The following MYOF variants were observed in gnomAD, a reference collection of about 807,000 sequenced individuals.
MYOF encodes the protein myoferlin.
Under a neutral mutation model 284.2 loss-of-function variants are expected in MYOF, and 244 were observed. That is an observed-to-expected ratio of 0.86 (90% confidence interval 0.77 to 0.95). The LOEUF (loss-of-function observed/expected upper bound fraction) is 0.95. Among genes scored for constraint, MYOF ranks in the 40% least tolerant of loss-of-function variants. MYOF has a pLI of 0.00. For missense variants in MYOF, 2,496 were observed against 2,560.6 expected (o/e 0.97, Z 0.54); for synonymous variants, 904 against 919.7 (o/e 0.98, Z 0.31).
At chr10:93,336,365 A>C (rs1369566433) in intron 40 of MYOF, among the ~76,000 whole-genome samples, 1 of 152,256 alleles carries the variant, frequency 6.6e-6, no homozygotes, top group Non-Finnish European at 1.5e-5. Context: ...AACTTGTGGC[A>C]TATCCACACA....
intron 48 of MYOF, among the ~76,000 whole-genome samples, chr10:93,320,348 T>A (rs1842798049): frequency 7.1e-6 from 1 of 140,332 alleles, no homozygotes; most frequent in Non-Finnish European, 1.5e-5. Flanking sequence ...ATGACTTTAG[T>A]CCTCACAACT....
chr10:93,351,565 C>G lies in MYOF; in HGVS notation c.3670G>C (p.Asp1224His). 1.9e-6 allele frequency: 3 copies of G among 1,614,118 alleles called. No homozygotes were observed. In the South Asian group the frequency reaches 3.3e-5, roughly 18 times the overall value. ...ELFDNDQVGK[D>H]EFLGRSIFSP... is the part of the protein sequence containing the mutation. ...AAAATGCTTCGTCCTAAAAATTCAT[C>G]TTTGCCCTAGAGAAACAAAGTGATC... is the stretch of plus-strand genomic sequence containing the variant. The change falls in exon 34 of 54, where the codon GAT becomes CAT. Residue 1224 changes from aspartate to histidine, a missense_variant. Asp to His is a moderately conservative substitution (Grantham distance 81). Transcript: ENST00000359263.
At chr10:93,443,616 T>C (rs1350156892) in intron 3 of MYOF, among the ~76,000 whole-genome samples, 1 of 152,128 alleles carries the variant, frequency 6.6e-6, no homozygotes, top group Admixed American at 6.6e-5. Flanking sequence ...GGATCCCTTT[T>C]CTTGCATTGC....
chr10:93,476,560 G>GA (rs1043018400), intron 1 of MYOF, among the ~76,000 whole-genome samples: 77 of 148,244 alleles, frequency 5.2e-4, no homozygotes, highest in African/African-American at 1.3e-3. Context: ...GTCCCCCACT[G>GA]AAAAAAAAAA....
intron 24 of MYOF, among the ~76,000 whole-genome samples, chr10:93,371,319 A>C (rs1845577939): frequency 6.6e-6 from 1 of 152,212 alleles, no homozygotes; most frequent in Non-Finnish European, 1.5e-5. Flanking sequence ...ATGAATATTC[A>C]TAATTATCTG....
Position 93,312,163 on chromosome 10 carries a change from C to A in MYOF, c.5889+857G>T, listed in dbSNP as rs149966439. Among the ~76,000 whole-genome samples the A allele has an allele frequency of 3.0e-3, 457 of 152,230 alleles. 3 individuals carry two copies. Among genetic ancestry groups the A allele is most frequent in the African/African-American group, 0.01 (429 of 41,544 alleles). On this transcript the variant is annotated intron_variant, in intron 51 of 53. Coordinates refer to ENST00000359263, the MANE Select transcript of MYOF (RefSeq NM_013451.4). ...TGCTGCCTGGTTCAAAATTAATGAT[C>A]AAAAATGTTAGCTATTTTTAATAAT...
Position 93,313,057 on chromosome 10 carries a change from G to A in MYOF, c.5852C>T (p.Pro1951Leu), listed in dbSNP as rs772978810. Residue 1951 changes from proline to leucine, a missense_variant, in exon 51 of 54, where the codon CCA becomes CTA. This residue lies in a region of MYOF where 2,436 missense variants were observed against 2,480.7 expected (regional missense o/e 0.98). Coordinates refer to ENST00000359263, the MANE Select transcript of MYOF (RefSeq NM_013451.4). Reference sequence around the variant, plus strand: ...GGCGCCATCTTTCTCTGCGTAGCATGGCCACCATCCTTTCATGGACTTCTG... The same window carrying A: ...GGCGCCATCTTTCTCTGCGTAGCATAGCCACCATCCTTTCATGGACTTCTG... ...FEQKSMKGWWPCYAEKDGARV... is the reference protein window; with the variant it reads ...FEQKSMKGWWLCYAEKDGARV... 1.2e-6 allele frequency: 2 copies of A among 1,613,632 alleles called. No individual in the cohort carries two copies. Among genetic ancestry groups the A allele is most frequent in the Non-Finnish European group, 8.5e-7 (1 of 1,179,828 alleles).
chr10:93,480,099 A>G (rs1025074803), intron 1 of MYOF, among the ~76,000 whole-genome samples: 6 of 152,230 alleles, frequency 3.9e-5, no homozygotes, highest in East Asian at 1.9e-4. Flanking sequence ...TTATATGTCA[A>G]TGATGAAGGA....
intron 43 of MYOF, among the ~76,000 whole-genome samples, chr10:93,331,520 G>A (rs1397032238): frequency 6.6e-6 from 1 of 152,158 alleles, no homozygotes; most frequent in Non-Finnish European, 1.5e-5. Flanking sequence ...CTTCAAAGCT[G>A]GCTTTCCCTG....
intron 21 of MYOF, 22 bp from the exon 22 acceptor site, chr10:93,377,451 GAAAT>G (rs1326578450): frequency 1.3e-6 from 2 of 1,510,852 alleles, no homozygotes; most frequent in Non-Finnish European, 1.8e-6. Context: ...GAAAAGAGAG[GAAAT>G]AATTGATAAT....
At chr10:93,409,880 G>C (rs1847827502) in intron 5 of MYOF, 141 bp from the exon 6 acceptor site, 1 of 1,021,336 alleles carries the variant, frequency 9.8e-7, no homozygotes, top group South Asian at 1.5e-5. Context: ...TCCTCTTGGT[G>C]ACACTGACTT....
At chr10:93,376,740 A>G (rs1845854427) in intron 22 of MYOF, among the ~76,000 whole-genome samples, 1 of 152,182 alleles carries the variant, frequency 6.6e-6, no homozygotes, top group South Asian at 2.1e-4. Flanking sequence ...TTTGATTTCC[A>G]TATGCTAAAA....
intron 27 of MYOF, among the ~76,000 whole-genome samples, chr10:93,363,386 C>T (rs553004010): frequency 6.6e-6 from 1 of 152,314 alleles, no homozygotes; most frequent in East Asian, 1.9e-4. Flanking sequence ...AAAAACTAGG[C>T]TGAGCTTGGT....
intron 23 of MYOF, among the ~76,000 whole-genome samples, 183 bp from the exon 24 acceptor site, chr10:93,373,268 G>C (rs904061470): frequency 5.9e-5 from 9 of 152,166 alleles, no homozygotes; most frequent in African/African-American, 2.2e-4. Context: ...TTGCAGGGCT[G>C]GGAGGCAGAC....
chr10:93,346,726 T>C (rs945664129), intron 37 of MYOF, among the ~76,000 whole-genome samples: 8 of 152,176 alleles, frequency 5.3e-5, no homozygotes, highest in African/African-American at 1.9e-4. Flanking sequence ...GAGCTTCCTG[T>C]TTTCCCCATC....
chr10:93,414,153 G>T (rs1040585744), intron 5 of MYOF, among the ~76,000 whole-genome samples: 2 of 151,868 alleles, frequency 1.3e-5, no homozygotes, highest in Non-Finnish European at 2.9e-5. Context: ...CGGCAATCCT[G>T]AGCATGCCCT....
intron 7 of MYOF, among the ~76,000 whole-genome samples, chr10:93,408,277 C>T (rs1177384642): frequency 1.3e-5 from 2 of 152,060 alleles, no homozygotes; most frequent in Non-Finnish European, 2.9e-5. Flanking sequence ...TGGCCGGGCG[C>T]GGTGGCTCAT....
At position 93,377,315 on chromosome 10, in the gene MYOF, C is replaced by G; in HGVS notation, c.2108+8G>C. ...GAAAATTCTGAGATAGGCGTAAGATCACTGTACCTCGTGTCTTCTATAACT... is the reference window on the plus strand; with the variant it reads ...GAAAATTCTGAGATAGGCGTAAGATGACTGTACCTCGTGTCTTCTATAACT... On this transcript the variant is annotated splice_region_variant and intron_variant, in intron 22 of 53. Transcript: ENST00000359263. The G allele has an allele frequency of 6.2e-7, 1 of 1,604,624 alleles. No individual in the cohort carries two copies. The highest frequency in any genetic ancestry group is 2.2e-5 in the East Asian group (1 of 44,838).
At chr10:93,385,984 C>T (rs1846346559) in intron 19 of MYOF, among the ~76,000 whole-genome samples, 1 of 152,132 alleles carries the variant, frequency 6.6e-6, no homozygotes, top group African/African-American at 2.4e-5. Flanking sequence ...TCTTGGGCCT[C>T]TTTCTCCTTC....
Sources: allele counts gnomAD v4.1 joint callset (sites outside exome capture counted in the v4.1 genomes callset), GRCh38; gene constraint gnomAD v4.1.1; regional missense constraint gnomAD v4.1.1; transcripts MANE v1.5; gene names NCBI Gene and HGNC (gene_info 2026-07-23, HGNC 2026-07-21).